ARHGEF28: variants seen among roughly 807,000 people sequenced by gnomAD.
The protein encoded by ARHGEF28 is 190 kDa guanine nucleotide exchange factor.
ARHGEF28 carries 152 observed loss-of-function variants against 206.6 expected under a neutral mutation model. That is an observed-to-expected ratio of 0.74 (90% CI 0.64 to 0.84). The LOEUF (loss-of-function observed/expected upper bound fraction) is 0.84, where lower values mean the gene tolerates loss of function less well. ARHGEF28 is among the 40% of genes least tolerant of loss of function. ARHGEF28 has a pLI of 0.00. For synonymous variants in ARHGEF28, 763 were observed against 776.4 expected (o/e 0.98, Z 0.29); for missense variants, 2,028 against 2,073.2 (o/e 0.98, Z 0.42).
intron 2 of ARHGEF28, among the ~76,000 whole-genome samples, chr5:73,747,525 C>T (rs969706744): frequency 6.6e-6 from 1 of 152,120 alleles, no homozygotes; most frequent in Non-Finnish European, 1.5e-5. Context: ...ATGAAAATGT[C>T]CGTGTTATTT....
chr5:73,911,687 G>A lies in ARHGEF28; in HGVS notation c.4948+112G>A, dbSNP rs1012454913. ...GTCCTCCCTAGCATGGGAATAAATC[G>A]GTACTGATGAGCTGGAGTTTGTGGC... On this transcript the variant is annotated intron_variant, in intron 35 of 35. Coordinates refer to ENST00000513042, the MANE Select transcript of ARHGEF28 (RefSeq NM_001177693.2). 1.3e-5 allele frequency: 15 copies of A among 1,132,076 alleles called. No homozygotes were observed. In the East Asian group the frequency reaches 1.8e-4, roughly 14 times the overall value. 70.1% of individuals were successfully genotyped at this position (1,132,076 alleles called of 1,614,324 possible).
At chr5:73,815,742 A>G (rs1756164950) in intron 9 of ARHGEF28, among the ~76,000 whole-genome samples, 1 of 152,192 alleles carries the variant, frequency 6.6e-6, no homozygotes. Context: ...TTTAAATCCA[A>G]AGTTGAAGCA....
At chr5:73,878,168 C>T (rs922750084) in intron 22 of ARHGEF28, among the ~76,000 whole-genome samples, 25 of 151,382 alleles carry the variant, frequency 1.7e-4, no homozygotes, top group African/African-American at 5.6e-4. Flanking sequence ...GATCCCTTTA[C>T]CATTATGTAA....
chr5:73,913,748 A>T (rs939616249), intron 35 of ARHGEF28, among the ~76,000 whole-genome samples: 2 of 152,190 alleles, frequency 1.3e-5, no homozygotes, highest in Non-Finnish European at 2.9e-5. Flanking sequence ...ACTACTGAGG[A>T]TCTCCATAGT....
chr5:73,846,070 G>A (rs1167191637), intron 11 of ARHGEF28, among the ~76,000 whole-genome samples, 198 bp from the exon 12 acceptor site: 3 of 151,654 alleles, frequency 2.0e-5, no homozygotes, highest in Non-Finnish European at 4.4e-5. Context: ...ATGTTCATTC[G>A]GGGTAACATA....
intron 1 of ARHGEF28, among the ~76,000 whole-genome samples, chr5:73,668,545 G>A (rs890508712): frequency 6.6e-6 from 1 of 152,144 alleles, no homozygotes; most frequent in Non-Finnish European, 1.5e-5. Flanking sequence ...CCTCTTAAAG[G>A]TTCCACTTGT....
intron 4 of ARHGEF28, among the ~76,000 whole-genome samples, chr5:73,760,959 C>G (rs1021161272): frequency 2.0e-5 from 3 of 152,196 alleles, no homozygotes; most frequent in Admixed American, 1.3e-4. Context: ...TAGAGAATTA[C>G]GCACTTACTC....
intron 35 of ARHGEF28, among the ~76,000 whole-genome samples, chr5:73,937,298 G>A (rs568542206): frequency 1.8e-4 from 27 of 152,304 alleles, no homozygotes; most frequent in African/African-American, 4.6e-4. Flanking sequence ...TGTGAGTATC[G>A]AAGTTTCCTG....
intron 1 of ARHGEF28, among the ~76,000 whole-genome samples, chr5:73,647,948 A>G (rs1375842842): frequency 1.3e-5 from 2 of 152,236 alleles, no homozygotes; most frequent in Non-Finnish European, 2.9e-5. Context: ...TTGCCTGTTA[A>G]TCAGTACATT....
intron 7 of ARHGEF28, among the ~76,000 whole-genome samples, chr5:73,785,574 T>A (rs749423870): frequency 6.6e-6 from 1 of 152,190 alleles, no homozygotes; most frequent in Non-Finnish European, 1.5e-5. Context: ...ATTCTTGATA[T>A]CACATGGGAG....
chr5:73,726,859 A>G (rs916214922), intron 2 of ARHGEF28, among the ~76,000 whole-genome samples: 1 of 152,144 alleles, frequency 6.6e-6, no homozygotes, highest in Admixed American at 6.6e-5. Flanking sequence ...ATCTAAACAC[A>G]TTAAGTTTTT....
intron 2 of ARHGEF28, among the ~76,000 whole-genome samples, chr5:73,690,525 C>CCA (rs1554054336): frequency 3.9e-4 from 9 of 23,356 alleles, no homozygotes; most frequent in African/African-American, 7.7e-4. Context: ...TCTGTCTTTA[C>CCA]AAAAAAAAAA....
At position 73,794,455 on chromosome 5, in the gene ARHGEF28, G is replaced by A. The variant is rs370832557; in HGVS notation, c.963+1G>A. Reference sequence around the variant, plus strand: ...AGCAGCTGAAAAGGAAGATATAAAGGTAATGAATGACTCCCTGCTTCTTTC... The same window carrying A: ...AGCAGCTGAAAAGGAAGATATAAAGATAATGAATGACTCCCTGCTTCTTTC... On this transcript the variant is annotated splice_donor_variant, in intron 8 of 35. Coordinates refer to ENST00000513042, the MANE Select transcript of ARHGEF28 (RefSeq NM_001177693.2). LOFTEE classifies it high-confidence loss of function. 1.3e-6 allele frequency: 2 copies of A among 1,594,568 alleles called. No individual in the cohort carries two copies. Among genetic ancestry groups the A allele is most frequent in the South Asian group, 1.1e-5 (1 of 87,968 alleles).
intron 1 of ARHGEF28, among the ~76,000 whole-genome samples, chr5:73,626,697 T>C (rs1166887187): frequency 1.3e-5 from 2 of 152,184 alleles, no homozygotes; most frequent in African/African-American, 4.8e-5. Context: ...CGAGAGTTGG[T>C]GTCCGCCCTT....
At chr5:73,836,415 G>GC (rs1757642881) in intron 10 of ARHGEF28, among the ~76,000 whole-genome samples, 1 of 149,372 alleles carries the variant, frequency 6.7e-6, no homozygotes, top group African/African-American at 2.5e-5. Flanking sequence ...GAGCACTTTT[G>GC]CATATACCTA....
At chr5:73,877,259 G>A (rs1760568456) in intron 22 of ARHGEF28, among the ~76,000 whole-genome samples, 2 of 151,764 alleles carry the variant, frequency 1.3e-5, no homozygotes, top group East Asian at 1.9e-4. Context: ...TGTGGGATCG[G>A]TGGTGATATC....
At chr5:73,914,583 G>A (rs1262422064) in intron 35 of ARHGEF28, among the ~76,000 whole-genome samples, 1 of 151,944 alleles carries the variant, frequency 6.6e-6, no homozygotes, top group Non-Finnish European at 1.5e-5. Context: ...TTTCAGTAGA[G>A]ACGGAGTTTC....
At chr5:73,687,850 C>T (rs1482546322) in intron 2 of ARHGEF28, among the ~76,000 whole-genome samples, 5 of 152,010 alleles carry the variant, frequency 3.3e-5, no homozygotes. Flanking sequence ...CAGATTTTTC[C>T]AGAGTTTTAT....
chr5:73,695,294 T>G (rs1235962338), intron 2 of ARHGEF28, among the ~76,000 whole-genome samples: 1 of 152,176 alleles, frequency 6.6e-6, no homozygotes, highest in Non-Finnish European at 1.5e-5. Context: ...TCAAGTTATC[T>G]CTTTGTCTAT....
Sources: allele counts gnomAD v4.1 joint callset (sites outside exome capture counted in the v4.1 genomes callset), GRCh38; gene constraint gnomAD v4.1.1; transcripts MANE v1.5; gene names NCBI Gene and HGNC (gene_info 2026-07-23, HGNC 2026-07-21).